Variants in TSPAN13 observed in about 807,000 individuals in gnomAD.
TSPAN13 encodes tetraspanin 13.
A neutral mutation model predicts 26.9 loss-of-function variants in TSPAN13; 18 were observed. The observed-to-expected ratio is 0.67, with a 90% CI of 0.46 to 0.99. The LOEUF (loss-of-function observed/expected upper bound fraction) is 0.99. Among genes scored for constraint, TSPAN13 ranks in the 50% least tolerant of loss-of-function variants. TSPAN13 has a pLI of 0.00. For synonymous variants in TSPAN13, 116 were observed against 98.4 expected, an observed-to-expected ratio of 1.18 and a Z score of -1.06; for missense variants, 201 against 249.6, an observed-to-expected ratio of 0.81 and a Z score of 1.31.
intron 1 of TSPAN13, among the ~76,000 whole-genome samples, chr7:16,774,831 GT>G (rs5882578): frequency 0.041 from 6,205 of 152,158 alleles, 201 homozygotes; most frequent in African/African-American, 0.087. Flanking sequence ...TTATTCTCAA[GT>G]TTTGTCTCTT....
At chr7:16,783,288 AT>A in intron 5 of TSPAN13, 128 bp from the exon 6 acceptor site, 1 of 884,340 alleles carries the variant, frequency 1.1e-6, no homozygotes, top group Non-Finnish European at 1.7e-6. Context: ...AAGAAAAAAA[AT>A]CTCTCCCCGT....
chr7:16,760,945 GT>G (rs1420229410), intron 1 of TSPAN13, among the ~76,000 whole-genome samples: 1 of 152,218 alleles, frequency 6.6e-6, no homozygotes, highest in Non-Finnish European at 1.5e-5. Flanking sequence ...CTGGCATGTG[GT>G]TGGCATTTAG....
rs376187279 is a variant in TSPAN13 at position 16,764,939 on chromosome 7, T to TG, written c.63+10909_63+10910insG. Among the ~76,000 whole-genome samples the TG allele has an allele frequency of 6.5e-4, 99 of 151,492 alleles. 1 individual carries two copies. The highest frequency in any genetic ancestry group is 1.9e-3 in the African/African-American group (80 of 41,028). The stretch of plus-strand genomic sequence containing the variant: ...TCTGTTTTGTTTTTGTTTTTGTTTT[T>TG]TTTTTGAGACAAGGTCTTGCTATGT... On this transcript the variant is annotated intron_variant, in intron 1 of 5. Coordinates refer to ENST00000262067, the MANE Select transcript of TSPAN13 (RefSeq NM_014399.4).
intron 1 of TSPAN13, among the ~76,000 whole-genome samples, chr7:16,757,705 A>T (rs1000333707): frequency 6.6e-6 from 1 of 151,978 alleles, no homozygotes; most frequent in African/African-American, 2.4e-5. Flanking sequence ...CTTTTTCGTG[A>T]TTCTTTTTCC....
At chr7:16,779,301 T>C (rs368083001) in intron 5 of TSPAN13, among the ~76,000 whole-genome samples, 185 bp downstream of exon 5, 2 of 152,314 alleles carry the variant, frequency 1.3e-5, no homozygotes, top group African/African-American at 2.4e-5. Context: ...TAGGACCGGG[T>C]GAAAGGCTTG....
At chr7:16,778,499 C>T (rs1166935511) in intron 4 of TSPAN13, among the ~76,000 whole-genome samples, 2 of 152,220 alleles carry the variant, frequency 1.3e-5, no homozygotes, top group East Asian at 3.8e-4. Context: ...GCTGCAGCCT[C>T]ATCTGAAGCT....
chr7:16,783,469 C>T lies in TSPAN13; in HGVS notation c.593C>T (p.Ala198Val), dbSNP rs1354120720. Reference sequence around the variant, plus strand: ...TACAGGAACCAGAAAGACCCCCGCGCGAATCCTAGTGCATTCCTTTGATGA... The same window carrying T: ...TACAGGAACCAGAAAGACCCCCGCGTGAATCCTAGTGCATTCCTTTGATGA... ...YRYRNQKDPR[A>V]NPSAFL Residue 198 changes from alanine (A) to valine (V), a missense_variant, in exon 6 of 6, where the codon GCG (alanine) becomes GTG (valine). Transcript: ENST00000262067. 1.2e-5 allele frequency: 19 copies of T among 1,613,620 alleles called. No homozygotes were observed. Among genetic ancestry groups the T allele is most frequent in the South Asian group, 2.2e-5 (2 of 91,058 alleles).
intron 1 of TSPAN13, among the ~76,000 whole-genome samples, chr7:16,758,864 T>A (rs1033336360): frequency 2.6e-5 from 4 of 152,256 alleles, no homozygotes; most frequent in African/African-American, 9.6e-5. Flanking sequence ...TGTAACTGTT[T>A]GGGGTTATTT....
At chr7:16,766,129 T>G (rs1320224798) in intron 1 of TSPAN13, among the ~76,000 whole-genome samples, 3 of 152,222 alleles carry the variant, frequency 2.0e-5, no homozygotes, top group Non-Finnish European at 2.9e-5. Context: ...TGTTATAATT[T>G]TAAAAGTTAA....
chr7:16,770,946 T>C (rs999620180), intron 1 of TSPAN13, among the ~76,000 whole-genome samples: 2 of 152,228 alleles, frequency 1.3e-5, no homozygotes, highest in Non-Finnish European at 2.9e-5. Context: ...TGAAAAGTCT[T>C]TGCTCTCTTT....
Position 16,776,255 on chromosome 7 carries a change from C to T in TSPAN13, c.108C>T (p.Gly36=), listed in dbSNP as rs973206678. ...TTGGAATTGCTGCGTGGGGCATTGG[C>T]TTCGGGCTGATTTCCAGTCTCCGAG... ...LLIGIAAWGI[G]FGLISSLRVV... Residue 36 remains glycine (G), a synonymous_variant, in exon 2 of 6, where the codon GGC becomes GGT. Transcript: ENST00000262067. The T allele has an allele frequency of 3.7e-6, 6 of 1,613,954 alleles. No homozygotes were observed. The highest frequency in any genetic ancestry group is 5.1e-6 in the Non-Finnish European group (6 of 1,180,022).
chr7:16,771,110 C>T (rs1784672783), intron 1 of TSPAN13, among the ~76,000 whole-genome samples: 1 of 152,192 alleles, frequency 6.6e-6, no homozygotes, highest in African/African-American at 2.4e-5. Context: ...CCAGGAACTC[C>T]TTCCCCACCT....
chr7:16,774,178 A>G (rs1475387415), intron 1 of TSPAN13, among the ~76,000 whole-genome samples: 1 of 152,126 alleles, frequency 6.6e-6, no homozygotes, highest in Admixed American at 6.5e-5. Flanking sequence ...CAGCTCTACA[A>G]ATTTCTGACT....
intron 1 of TSPAN13, among the ~76,000 whole-genome samples, chr7:16,771,986 A>G (rs1201229469): frequency 6.6e-6 from 1 of 152,198 alleles, no homozygotes; most frequent in Non-Finnish European, 1.5e-5. Flanking sequence ...TCTAGATAAC[A>G]TTCTCAATAA....
intron 3 of TSPAN13, 51 bp from the exon 4 acceptor site, chr7:16,777,747 A>G: frequency 7.1e-7 from 1 of 1,407,972 alleles, no homozygotes; most frequent in Non-Finnish European, 1.0e-6. Flanking sequence ...CTCCAGCTTT[A>G]TACATTTTCT....
chr7:16,774,978 A>G (rs1407898914), intron 1 of TSPAN13, among the ~76,000 whole-genome samples: 2 of 152,240 alleles, frequency 1.3e-5, no homozygotes, highest in Non-Finnish European at 2.9e-5. Context: ...ATTGTATTAC[A>G]TACGAAAATT....
intron 1 of TSPAN13, among the ~76,000 whole-genome samples, chr7:16,755,848 T>G (rs992707714): frequency 8.5e-5 from 13 of 152,202 alleles, no homozygotes; most frequent in African/African-American, 3.1e-4. Context: ...GAAAGAAAGG[T>G]GATTCTAAAG....
chr7:16,757,832 T>G lies in TSPAN13; in HGVS notation c.63+3802T>G, dbSNP rs1784497547. Among the ~76,000 whole-genome samples the G allele has an allele frequency of 2.6e-5, 4 of 152,052 alleles. No homozygotes were observed. The South Asian group carries it at 8.3e-4, about 32-fold the overall frequency. On this transcript the variant is annotated intron_variant, in intron 1 of 5. Coordinates refer to ENST00000262067, the MANE Select transcript of TSPAN13 (RefSeq NM_014399.4). ...CCTCTGAAGTTGGGATGCATTTTAT[T>G]GTTTCTATTTGTATTTTTGAGATGG... is the stretch of plus-strand genomic sequence containing the variant.
chr7:16,778,267 A>G (rs1051182040), intron 4 of TSPAN13, among the ~76,000 whole-genome samples: 1 of 152,220 alleles, frequency 6.6e-6, no homozygotes, highest in African/African-American at 2.4e-5. Context: ...CCTAAGCTGA[A>G]TATTTCCTCA....
Sources: allele counts gnomAD v4.1 joint callset (sites outside exome capture counted in the v4.1 genomes callset), GRCh38; gene constraint gnomAD v4.1.1; transcripts MANE v1.5; gene names NCBI Gene and HGNC (gene_info 2026-07-23, HGNC 2026-07-21).